PCDHA1: variants seen among roughly 807,000 people sequenced by gnomAD.
PCDHA1 encodes the protein protocadherin alpha-1.
PCDHA1 carries 42 observed loss-of-function variants against 61.3 expected under a neutral mutation model. The ratio of observed to expected loss-of-function variants is 0.69; its 90% CI spans 0.54 to 0.89. PCDHA1 has a LOEUF of 0.89. Among genes scored for constraint, PCDHA1 ranks in the 40% least tolerant of loss-of-function variants. The pLI is 0.00. For missense variants in PCDHA1, 1,256 were observed against 1,235.3 expected (o/e 1.02, Z -0.25); for synonymous variants, 610 against 553.8 (o/e 1.10, Z -1.43).
rs545893416 is a variant in PCDHA1, at chr5:140,934,382, A to G, written c.2395-44567A>G. On this transcript the variant is annotated intron_variant, in intron 1 of 3. Transcript: ENST00000504120. ...CTGCTTTGACTCCTTCTGTGGTTCT[A>G]TGGTGGCCAGCTTTACCCACCAATG... Among the ~76,000 whole-genome samples the G allele has an allele frequency of 2.0e-3, 310 of 152,264 alleles. 8 individuals are homozygous for G. Among genetic ancestry groups the G allele is most frequent in the South Asian group, 3.9e-3 (19 of 4,830 alleles).
At chr5:140,968,036 A>G (rs1554230231) in intron 1 of PCDHA1, 1 of 1,614,042 alleles carries the variant, frequency 6.2e-7, no homozygotes, top group African/African-American at 1.3e-5. Context: ...ACTGGTGGTG[A>G]GCGGCCCACT....
intron 1 of PCDHA1, chr5:140,968,340 A>G: frequency 6.2e-7 from 1 of 1,614,136 alleles, no homozygotes; most frequent in African/African-American, 1.3e-5. Context: ...GTCTCCATTA[A>G]CAGTGCCAGT....
rs373853046 is a variant in PCDHA1, at chr5:140,802,675, C to G, written c.2394+13991C>G. 19 of 1,613,260 alleles carry G rather than the reference C, an allele frequency of 1.2e-5. No homozygotes were observed. The highest frequency in any genetic ancestry group is 2.2e-5 in the South Asian group (2 of 91,038). ...CAGGAGAACGCCCTGGTGTCCTACT[C>G]GCTGGTGGAACGGCGGGTGGGGGAG... On this transcript the variant is annotated intron_variant, in intron 1 of 3. Transcript: ENST00000504120.
intron 1 of PCDHA1, chr5:140,814,957 T>C (rs1374937016): frequency 6.6e-6 from 1 of 152,232 alleles, no homozygotes; most frequent in Non-Finnish European, 1.5e-5. Flanking sequence ...TTGTCTCTTA[T>C]GACACTTTTT....
chr5:140,919,307 T>C (rs567605906), intron 1 of PCDHA1, among the ~76,000 whole-genome samples: 2 of 152,348 alleles, frequency 1.3e-5, no homozygotes, highest in East Asian at 1.9e-4. Context: ...GTACAATATA[T>C]GTTTTCCCAT....
intron 1 of PCDHA1, among the ~76,000 whole-genome samples, chr5:140,934,332 T>C (rs1452316834): frequency 1.3e-5 from 2 of 152,140 alleles, no homozygotes; most frequent in Non-Finnish European, 2.9e-5. Flanking sequence ...ATGAATGTAA[T>C]AACCACCAGT....
At chr5:140,822,870 C>T in intron 1 of PCDHA1, 2 of 1,614,224 alleles carry the variant, frequency 1.2e-6, no homozygotes, top group Non-Finnish European at 8.5e-7. Context: ...CTCCACTCAG[C>T]ACGGTCATTG....
intron 1 of PCDHA1, among the ~76,000 whole-genome samples, chr5:140,915,075 A>G (rs111889109): frequency 6.6e-6 from 1 of 151,436 alleles, no homozygotes; most frequent in South Asian, 2.1e-4. Context: ...CCTACTGAGT[A>G]GCTGGGACTA....
intron 1 of PCDHA1, chr5:140,841,240 A>C: frequency 6.7e-7 from 1 of 1,487,570 alleles, no homozygotes; most frequent in South Asian, 1.4e-5. Flanking sequence ...GATGCAGCGG[A>C]ATTGGATTAA....
chr5:140,876,261 A>G (rs2056242888), intron 1 of PCDHA1: 9 of 1,613,942 alleles, frequency 5.6e-6, no homozygotes, highest in Non-Finnish European at 7.6e-6. Context: ...GAGTGATCCA[A>G]CTAAATGCTT....
At chr5:140,871,595 C>A in intron 1 of PCDHA1, 1 of 1,454,324 alleles carries the variant, frequency 6.9e-7, no homozygotes, top group South Asian at 1.5e-5. Context: ...TTATGAATAA[C>A]CAGTGTTTTG....
At chr5:140,987,749 GT>G (rs1554249497) in intron 3 of PCDHA1, among the ~76,000 whole-genome samples, 1 of 152,142 alleles carries the variant, frequency 6.6e-6, no homozygotes, top group African/African-American at 2.4e-5. Context: ...GACCCAGGTT[GT>G]TCTGAGTATT....
rs1175289327 is a variant in PCDHA1 at position 140,945,113 on chromosome 5, T to TA, written c.2395-33830dup. ...TAATAAACAAAATAAAGTTGAAAGA[T>TA]AAAAAATCAACTTACAAAAATCAAT... On this transcript the variant is annotated intron_variant, in intron 1 of 3. Coordinates refer to ENST00000504120, the MANE Select transcript of PCDHA1 (RefSeq NM_018900.4). Among the ~76,000 whole-genome samples, 7 of 152,200 alleles carry TA rather than the reference T, an allele frequency of 4.6e-5. No individual in the cohort carries two copies. In the East Asian group the frequency reaches 1.2e-3, roughly 25 times the overall value.
intron 1 of PCDHA1, chr5:140,827,970 C>A (rs1398838770): frequency 2.2e-6 from 3 of 1,380,228 alleles, no homozygotes; most frequent in Non-Finnish European, 3.0e-6. Flanking sequence ...ATTACTGCAT[C>A]ATTCCCTGAC....
chr5:140,937,197 C>T (rs1228010742), intron 1 of PCDHA1, among the ~76,000 whole-genome samples: 2 of 151,938 alleles, frequency 1.3e-5, no homozygotes, highest in African/African-American at 2.4e-5. Flanking sequence ...GCCACCATGC[C>T]CGGCTAATTT....
Position 140,787,410 on chromosome 5 carries a change from G to C in PCDHA1, c.1120G>C (p.Val374Leu), listed in dbSNP as rs1554117807. ...CAGCACCGTCATCGCCCTCATCACC[G>C]TGTCTGACCGTGACTCAGGTGCCAA... is the stretch of plus-strand genomic sequence containing the variant. Reference protein sequence around the residue: ...PLSTVIALITVSDRDSGANGQ... With the variant: ...PLSTVIALITLSDRDSGANGQ... Residue 374 changes from valine (V) to leucine (L), a missense_variant, in exon 1 of 4, where the codon GTG becomes CTG. Physicochemically the swap from Val to Leu is conservative, Grantham distance 32. Transcript: ENST00000504120. 1 of 1,614,216 alleles carries C rather than the reference G, an allele frequency of 6.2e-7. No homozygotes were observed. The highest frequency in any genetic ancestry group is 1.7e-5 in the Admixed American group (1 of 60,028).
chr5:141,001,126 C>A (rs2097993222), intron 3 of PCDHA1, among the ~76,000 whole-genome samples: 1 of 151,970 alleles, frequency 6.6e-6, no homozygotes, highest in African/African-American at 2.4e-5. Context: ...AGTCCTTAAA[C>A]AAATGAATCT....
chr5:140,809,344 C>T, intron 1 of PCDHA1: 1 of 1,614,082 alleles, frequency 6.2e-7, no homozygotes, highest in Non-Finnish European at 8.5e-7. Context: ...TGCTGTACAC[C>T]GCGCTGCGGT....
intron 1 of PCDHA1, among the ~76,000 whole-genome samples, chr5:140,978,570 G>C (rs151127662): frequency 6.6e-6 from 1 of 152,196 alleles, no homozygotes; most frequent in Middle Eastern, 3.2e-3. Flanking sequence ...CTGTAATACT[G>C]AATTGGGAAT....
Sources: allele counts gnomAD v4.1 joint callset (sites outside exome capture counted in the v4.1 genomes callset), GRCh38; gene constraint gnomAD v4.1.1; transcripts MANE v1.5; gene names NCBI Gene and HGNC (gene_info 2026-07-23, HGNC 2026-07-21).